The following RNF103 variants were observed in gnomAD, a reference collection of about 807,000 sequenced individuals.
The protein encoded by RNF103 is ring finger protein 103.
A neutral mutation model predicts 66.2 loss-of-function variants in RNF103; 23 were observed. The observed-to-expected ratio is 0.35, with a 90% confidence interval of 0.25 to 0.49. The LOEUF is 0.49. Ranked by LOEUF, RNF103 falls within the 20% of genes least tolerant of loss-of-function variation. The probability of loss-of-function intolerance (pLI) is 0.98; values close to 1 mark genes in which losing one functional copy is unlikely to be tolerated. For synonymous variants in RNF103, 297 were observed against 289.9 expected (o/e 1.02, Z -0.25); for missense variants, 730 against 814.7 (o/e 0.90, Z 1.27).
chr2:86,620,572 T>C, intron 1 of RNF103, 103 bp from the exon 2 acceptor site: 3 of 1,317,734 alleles, frequency 2.3e-6, no homozygotes, highest in Non-Finnish European at 2.9e-6. Flanking sequence ...GATATTGTAC[T>C]TTCATTGTAT....
chr2:86,607,682 A>T (rs1382182066), intron 3 of RNF103, among the ~76,000 whole-genome samples: 1 of 152,242 alleles, frequency 6.6e-6, no homozygotes, highest in Non-Finnish European at 1.5e-5. Context: ...GTAACAAGTC[A>T]AATGCATATG....
Position 86,620,339 on chromosome 2 carries a change from C to A in RNF103, c.357G>T (p.Trp119Cys). Residue 119 changes from tryptophan to cysteine, a missense_variant, in exon 2 of 4, where the codon TGG becomes TGT. Around this residue, in one of 3 missense-constraint regions of RNF103, gnomAD observed 327 missense variants for 369.8 expected, o/e 0.88. Coordinates refer to ENST00000237455, the MANE Select transcript of RNF103 (RefSeq NM_005667.4). ...TTACTGCTTTTCATACCTGAACCAGCCAGATGCCATCTTTTGTGTCTTCCA... is the reference window on the plus strand; with the variant it reads ...TTACTGCTTTTCATACCTGAACCAGACAGATGCCATCTTTTGTGTCTTCCA... Reference protein sequence around the residue: ...ELVEDTKDGIWLVQVIANDRS... With the variant: ...ELVEDTKDGICLVQVIANDRS... 6.2e-7 allele frequency: 1 copy of A among 1,601,664 alleles called. No homozygotes were observed.
chr2:86,612,172 A>G lies in RNF103; in HGVS notation c.469T>C (p.Ser157Pro). The change falls in exon 3 of 4, where the codon TCC becomes CCC. Residue 157 changes from serine (S) to proline (P), a missense_variant. Ser to Pro is a moderately conservative substitution (Grantham distance 74, BLOSUM62 -1). This residue lies in a region of RNF103 where 327 missense variants were observed against 369.8 expected (regional missense o/e 0.88). Transcript: ENST00000237455. The stretch of plus-strand genomic sequence containing the variant: ...TAATCAACTTACCTGGGATCACTGG[A>G]ACAGTTAAATGTGCCTGTACGTATT... ...FGIRTGTFNC[S>P]SDPRYCRRRG... is the part of the protein sequence containing the mutation. 6.2e-7 allele frequency: 1 copy of G among 1,609,038 alleles called. No individual in the cohort carries two copies. The highest frequency in any genetic ancestry group is 8.5e-7 in the Non-Finnish European group (1 of 1,177,850).
In RNF103 at chr2:86,605,071, A is replaced by G. The variant is rs1445808534; in HGVS notation, c.830T>C (p.Met277Thr). 5 of 1,613,940 alleles carry G rather than the reference A, an allele frequency of 3.1e-6. No homozygotes were observed. The South Asian group carries it at 5.5e-5, about 18-fold the overall frequency. The change falls in exon 4 of 4, where the codon ATG (methionine) becomes ACG (threonine). Residue 277 changes from methionine to threonine, a missense_variant. By Grantham distance (81) the Met-to-Thr change is moderately conservative. This residue lies in a region of RNF103 where 327 missense variants were observed against 369.8 expected (regional missense o/e 0.88). Transcript: ENST00000237455. ...NVENWDNKSY[M>T]TDIGIYNMPS... The stretch of plus-strand genomic sequence containing the variant: ...CATATTATATATGCCAATATCTGTC[A>G]TATAACTCTTGTTGTCCCAATTTTC...
In RNF103 at chr2:86,623,789, C is replaced by A; in HGVS notation, c.-903G>T. On this transcript the variant is annotated 5_prime_UTR_variant, in exon 1 of 4. Transcript: ENST00000237455. ...TCGCAGCACCCGTCCCCAACACCCC[C>A]GCCACCTCCGGAGACCGCGGCCGTA... 1 of 1,282,886 alleles carries A rather than the reference C, an allele frequency of 7.8e-7. No individual in the cohort carries two copies. The highest frequency in any genetic ancestry group is 1.0e-6 in the Non-Finnish European group (1 of 986,434). The allele number at this position is 1,282,886 out of a possible 1,614,324, so 79.5% of individuals were successfully genotyped here.
rs1679333932 is a variant in RNF103, at chr2:86,623,751, T to C, written c.-865A>G. Reference sequence around the variant, plus strand: ...CCACTCAGCGCCCGTCCCGCTCGGATGGGCAGTGCCGGTCGCAGCACCCGT... The same window carrying C: ...CCACTCAGCGCCCGTCCCGCTCGGACGGGCAGTGCCGGTCGCAGCACCCGT... On this transcript the variant is annotated 5_prime_UTR_variant, in exon 1 of 4. Transcript: ENST00000237455. 3 of 1,276,526 alleles carry C rather than the reference T, an allele frequency of 2.4e-6. No homozygotes were observed. Among genetic ancestry groups the C allele is most frequent in the Non-Finnish European group, 1.0e-6 (1 of 983,828 alleles). The allele number at this position is 1,276,526 out of a possible 1,614,324, so 79.1% of individuals were successfully genotyped here.
Position 86,603,704 on chromosome 2 carries a change from C to A in RNF103, c.*139G>T. The A allele has an allele frequency of 4.8e-6, 6 of 1,238,956 alleles. 1 individual carries two copies. Among genetic ancestry groups the A allele is most frequent in the Non-Finnish European group, 6.6e-6 (6 of 914,894 alleles). The allele number at this position is 1,238,956 out of a possible 1,614,324, so 76.7% of individuals were successfully genotyped here. ...CACAAGGCAACCAAATAAATTCTGT[C>A]ATCAACATTAGCATAATGTGTATTT... is the stretch of plus-strand genomic sequence containing the variant. On this transcript the variant is annotated 3_prime_UTR_variant, in exon 4 of 4. Transcript: ENST00000237455.
rs1008506710 is a variant in RNF103 at position 86,606,578 on chromosome 2, G to A, written c.483-1160C>T. ...CTTGGGAGGCTGAGGCAGGAGAACC[G>A]CTTGAACCCGGGAGGCAGAGGGTGC... On this transcript the variant is annotated intron_variant, in intron 3 of 3. Transcript: ENST00000237455. Among the ~76,000 whole-genome samples, 19 of 148,514 alleles carry A rather than the reference G, an allele frequency of 1.3e-4. 1 individual carries two copies. In the East Asian group the frequency reaches 2.4e-3, roughly 19 times the overall value.
intron 3 of RNF103, among the ~76,000 whole-genome samples, chr2:86,606,767 A>G (rs1678582946): frequency 6.6e-6 from 1 of 150,482 alleles, no homozygotes; most frequent in Non-Finnish European, 1.5e-5. Context: ...TTTATTTTTT[A>G]ATTTTTAGTT....
chr2:86,612,904 A>G (rs1678852264), intron 2 of RNF103: 1 of 152,204 alleles, frequency 6.6e-6, no homozygotes, highest in Admixed American at 6.5e-5. Context: ...TTGAACTTGT[A>G]CTTCAAATTT....
At chr2:86,609,384 A>ATTTTTT (rs112431636) in intron 3 of RNF103, among the ~76,000 whole-genome samples, 6 of 134,422 alleles carry the variant, frequency 4.5e-5, no homozygotes, top group African/African-American at 1.7e-4. Flanking sequence ...AGCCTCAGGT[A>ATTTTTT]TTTTTTTTTT....
rs1173784643 is a variant in RNF103 at position 86,623,860 on chromosome 2, CAT to C, written c.-976_-975del. 1.3e-5 allele frequency: 17 copies of C among 1,287,774 alleles called. No homozygotes were observed. Among genetic ancestry groups the C allele is most frequent in the Non-Finnish European group, 1.7e-5 (17 of 988,300 alleles). 79.8% of individuals were successfully genotyped at this position (1,287,774 alleles called of 1,614,324 possible). A position where few individuals can be genotyped will look rare whatever the true frequency, so the allele number is the denominator to read the frequency against. On this transcript the variant is annotated 5_prime_UTR_variant, in exon 1 of 4. It removes an upstream start codon present in the reference 5' UTR. Coordinates refer to ENST00000237455, the MANE Select transcript of RNF103 (RefSeq NM_005667.4). ...GCGGCGGCCGCGGCCGGAGCCGAGA[CAT>C]AACAACTGACGTCGCGATGAGGCGG...
intron 2 of RNF103, chr2:86,615,365 TA>T (rs2104244439): frequency 5.4e-6 from 2 of 368,800 alleles, no homozygotes; most frequent in South Asian, 2.2e-4. Flanking sequence ...CATAGTTATA[TA>T]ATTCAACTGA....
chr2:86,606,654 C>A, intron 3 of RNF103, among the ~76,000 whole-genome samples: 1 of 94,842 alleles, frequency 1.1e-5, no homozygotes, highest in Non-Finnish European at 1.8e-5. Flanking sequence ...CAGAGCAAAA[C>A]TTCGTCTCAA....
intron 1 of RNF103, among the ~76,000 whole-genome samples, chr2:86,621,059 A>G (rs1679211838): frequency 6.6e-6 from 1 of 152,198 alleles, no homozygotes; most frequent in Admixed American, 6.5e-5. Context: ...GGAAAACACT[A>G]AAATCAAATT....
At chr2:86,612,497 T>C (rs928123579) in intron 2 of RNF103, 2 of 388,378 alleles carry the variant, frequency 5.1e-6, no homozygotes, top group Non-Finnish European at 4.6e-6. Flanking sequence ...TCCCACACTC[T>C]GTGGCAGTTA....
rs979444084 is a variant in RNF103 at position 86,614,873 on chromosome 2, C to T, written c.367-2599G>A. 8 of 985,268 alleles carry T rather than the reference C, an allele frequency of 8.1e-6. No homozygotes were observed. In the African/African-American group the frequency reaches 1.2e-4, roughly 15 times the overall value. 61.0% of individuals were successfully genotyped at this position (985,268 alleles called of 1,614,324 possible). A position where few individuals can be genotyped will look rare whatever the true frequency, so the allele number is the denominator to read the frequency against. On this transcript the variant is annotated intron_variant, in intron 2 of 3. Coordinates refer to ENST00000237455, the MANE Select transcript of RNF103 (RefSeq NM_005667.4). ...ATAACTCACTTTTCAGGCATTATCCCATTTCTTGATCAAGGTTGCAAATAA... is the reference window on the plus strand; with the variant it reads ...ATAACTCACTTTTCAGGCATTATCCTATTTCTTGATCAAGGTTGCAAATAA...
chr2:86,621,453 A>C (rs1679223952), intron 1 of RNF103, among the ~76,000 whole-genome samples: 1 of 152,240 alleles, frequency 6.6e-6, no homozygotes, highest in Admixed American at 6.5e-5. Context: ...CCCCTATGGT[A>C]GAAATAAGAA....
At chr2:86,610,377 G>C (rs1356351975) in intron 3 of RNF103, among the ~76,000 whole-genome samples, 3 of 152,164 alleles carry the variant, frequency 2.0e-5, no homozygotes, top group African/African-American at 4.8e-5. Flanking sequence ...CTTTTCAAAA[G>C]AAGAGCTAAA....
Sources: gnomAD v4.1 joint callset for allele counts (sites outside exome capture counted in the v4.1 genomes callset) on GRCh38, gnomAD v4.1.1 for gene constraint, gnomAD v4.1.1 regional missense constraint, MANE v1.5 for transcripts, NCBI Gene and HGNC (gene_info 2026-07-23, HGNC 2026-07-21) for gene names.